PHKB: variants seen among roughly 807,000 people sequenced by gnomAD.
PHKB encodes the protein phosphorylase b kinase regulatory subunit beta.
A neutral mutation model predicts 152.1 loss-of-function variants in PHKB; 122 were observed. The ratio of observed to expected loss-of-function variants is 0.80; its 90% CI spans 0.69 to 0.93. PHKB has a LOEUF of 0.93. Among genes scored for constraint, PHKB ranks in the 40% least tolerant of loss-of-function variants. The probability of loss-of-function intolerance (pLI) is 0.00; values close to 1 mark genes in which losing one functional copy is unlikely to be tolerated. For synonymous variants in PHKB, 436 were observed against 464.9 expected (o/e 0.94, Z 0.80); for missense variants, 1,304 against 1,328.4 (o/e 0.98, Z 0.29).
chr16:47,619,199 C>T (rs747588733), intron 14 of PHKB: 5 of 152,076 alleles, frequency 3.3e-5, no homozygotes, highest in Non-Finnish European at 7.3e-5. Flanking sequence ...GTGACAGAAC[C>T]AATATGAAGG....
intron 6 of PHKB, among the ~76,000 whole-genome samples, chr16:47,530,984 A>C (rs948775651): frequency 2.0e-5 from 3 of 152,198 alleles, no homozygotes; most frequent in Admixed American, 6.5e-5. Context: ...TAAACTGTAA[A>C]ATACACAAGG....
chr16:47,574,218 T>C (rs925901660), intron 7 of PHKB, among the ~76,000 whole-genome samples: 3 of 152,052 alleles, frequency 2.0e-5, no homozygotes, highest in African/African-American at 7.2e-5. Context: ...TCACTTCTCA[T>C]ATGCTCCTTG....
chr16:47,646,386 CG>C (rs1441286250), intron 16 of PHKB, among the ~76,000 whole-genome samples: 1 of 93,198 alleles, frequency 1.1e-5, no homozygotes, highest in African/African-American at 4.4e-5. Flanking sequence ...GTGGTGGGGT[CG>C]GGGGAGGGGG....
At chr16:47,664,513 A>G (rs1973503219) in intron 24 of PHKB, 1 of 233,768 alleles carries the variant, frequency 4.3e-6, no homozygotes, top group African/African-American at 2.3e-5. Flanking sequence ...AAGGGGATTA[A>G]ACAAAACAAT....
chr16:47,685,123 T>G (rs889045285), intron 26 of PHKB, among the ~76,000 whole-genome samples: 3 of 152,124 alleles, frequency 2.0e-5, no homozygotes, highest in Admixed American at 6.5e-5. Context: ...TTCCCTATTT[T>G]GTATTTAAAT....
chr16:47,485,020 A>G (rs984854141), intron 1 of PHKB, among the ~76,000 whole-genome samples: 2 of 152,214 alleles, frequency 1.3e-5, no homozygotes, highest in African/African-American at 2.4e-5. Flanking sequence ...AATGTTATAC[A>G]TATATAGTTA....
chr16:47,570,557 C>T (rs936667426), intron 7 of PHKB, among the ~76,000 whole-genome samples: 4 of 151,932 alleles, frequency 2.6e-5, no homozygotes, highest in African/African-American at 9.7e-5. Flanking sequence ...CTTTCTTCTA[C>T]TTGATCCAGT....
intron 30 of PHKB, 103 bp downstream of exon 30, chr16:47,698,691 A>G: frequency 9.3e-7 from 1 of 1,075,868 alleles, no homozygotes; most frequent in Non-Finnish European, 1.3e-6. Context: ...TATAAAACAG[A>G]TTCACAGGTG....
At chr16:47,629,669 A>C (rs572184867) in intron 14 of PHKB, among the ~76,000 whole-genome samples, 15 of 152,176 alleles carry the variant, frequency 9.9e-5, no homozygotes, top group African/African-American at 3.4e-4. Flanking sequence ...CCATCCCATT[A>C]CTGGGTATAT....
At chr16:47,599,221 A>G (rs901910325) in intron 13 of PHKB, among the ~76,000 whole-genome samples, 4 of 152,246 alleles carry the variant, frequency 2.6e-5, no homozygotes, top group Non-Finnish European at 5.9e-5. Context: ...TTTATGTTCT[A>G]TATTTGGAAA....
rs146134171 is a variant in PHKB at position 47,699,351 on chromosome 16, G to A, written c.3267G>A (p.Pro1089=). The change falls in exon 31 of 31, where the codon CCG becomes CCA. Residue 1089 remains proline, a synonymous_variant. Transcript: ENST00000323584. ...AAGTCAAGCCAAACAATGATGACCC[G>A]TGTCTGATTAGCTAGTGGGGAAGGT... The part of the protein sequence containing the change: ...EGEVKPNNDD[P]CLIS 1.2e-4 allele frequency: 195 copies of A among 1,614,152 alleles called. No individual in the cohort carries two copies. In the African/African-American group the frequency reaches 2.0e-3, roughly 16 times the overall value.
intron 3 of PHKB, among the ~76,000 whole-genome samples, chr16:47,500,311 G>A (rs918186083): frequency 2.6e-5 from 4 of 152,190 alleles, no homozygotes; most frequent in South Asian, 2.1e-4. Context: ...TGGGATTACA[G>A]GTGTGAACCA....
At chr16:47,600,917 G>C (rs982747070) in intron 13 of PHKB, among the ~76,000 whole-genome samples, 1 of 152,228 alleles carries the variant, frequency 6.6e-6, no homozygotes, top group Non-Finnish European at 1.5e-5. Flanking sequence ...GCTGAGGCAG[G>C]CAGATGGCTT....
Position 47,664,179 on chromosome 16 carries a change from A to T in PHKB, c.2336+445A>T, listed in dbSNP as rs568951105. 12 of 164,774 alleles carry T rather than the reference A, an allele frequency of 7.3e-5. No individual in the cohort carries two copies. In the South Asian group the frequency reaches 1.7e-3, roughly 23 times the overall value. The allele number at this position is 164,774 out of a possible 1,614,324, so 10.2% of individuals were successfully genotyped here. On this transcript the variant is annotated intron_variant, in intron 24 of 30. Transcript: ENST00000323584. ...GAATCCCAGTGATTGTAGTTGCTTC[A>T]CGAAAAATAACCAATTTGTTCTACA...
intron 14 of PHKB, among the ~76,000 whole-genome samples, chr16:47,624,475 A>G (rs1300233253): frequency 6.6e-6 from 1 of 152,252 alleles, no homozygotes; most frequent in Non-Finnish European, 1.5e-5. Flanking sequence ...AAGTAAAATT[A>G]AAACTAGACT....
chr16:47,500,947 T>G (rs1375512362), intron 3 of PHKB, among the ~76,000 whole-genome samples: 2 of 152,204 alleles, frequency 1.3e-5, no homozygotes, highest in Non-Finnish European at 2.9e-5. Context: ...TGTGTTGGAT[T>G]TTAAAAAGAA....
At chr16:47,461,657 T>G (rs1390051133) in intron 1 of PHKB, among the ~76,000 whole-genome samples, 2 of 152,228 alleles carry the variant, frequency 1.3e-5, no homozygotes, top group Non-Finnish European at 2.9e-5. Flanking sequence ...ATTCCGCTTG[T>G]GAGCCCCACT....
At chr16:47,667,899 C>G (rs1973567174) in intron 25 of PHKB, among the ~76,000 whole-genome samples, 1 of 152,172 alleles carries the variant, frequency 6.6e-6, no homozygotes, top group East Asian at 1.9e-4. Flanking sequence ...AGCCTCAGAG[C>G]CTGCCCTAAG....
chr16:47,611,008 T>G (rs773708251), intron 14 of PHKB, 88 bp downstream of exon 14: 30 of 788,446 alleles, frequency 3.8e-5, no homozygotes, highest in Non-Finnish European at 6.8e-5. Context: ...GAATAGGTTT[T>G]TGTTGTTCCT....
Sources: allele counts gnomAD v4.1 joint callset (sites outside exome capture counted in the v4.1 genomes callset), GRCh38; gene constraint gnomAD v4.1.1; transcripts MANE v1.5; gene names NCBI Gene and HGNC (gene_info 2026-07-23, HGNC 2026-07-21).